CHST11: variants seen among roughly 807,000 people sequenced by gnomAD.
The protein encoded by CHST11 is C4S-1.
CHST11 carries 9 observed loss-of-function variants against 30.4 expected under a neutral mutation model. The observed-to-expected ratio is 0.30, with a 90% confidence interval of 0.18 to 0.52. The LOEUF is 0.52. Ranked by LOEUF, CHST11 falls within the 20% of genes least tolerant of loss-of-function variation. The pLI is 0.97. For missense variants in CHST11, 348 were observed against 460.6 expected, an observed-to-expected ratio of 0.76 and a Z score of 2.24; for synonymous variants, 152 against 187.8, an observed-to-expected ratio of 0.81 and a Z score of 1.56.
intron 1 of CHST11, among the ~76,000 whole-genome samples, chr12:104,581,522 A>G (rs1035708096): frequency 3.9e-5 from 6 of 152,164 alleles, no homozygotes; most frequent in Admixed American, 3.3e-4. Flanking sequence ...GTAGTGGCCA[A>G]ACATTGTCGA....
At chr12:104,578,379 TA>T (rs1378098820) in intron 1 of CHST11, among the ~76,000 whole-genome samples, 1 of 152,276 alleles carries the variant, frequency 6.6e-6, no homozygotes, top group African/African-American at 2.4e-5. Context: ...AAATCATTTA[TA>T]GATTTGGTGA....
At chr12:104,537,693 C>CTTTT (rs3039113) in intron 1 of CHST11, among the ~76,000 whole-genome samples, 2 of 124,462 alleles carry the variant, frequency 1.6e-5, no homozygotes, top group African/African-American at 6.1e-5. Flanking sequence ...TACCTCCCTG[C>CTTTT]TTTTTTTTTT....
intron 1 of CHST11, among the ~76,000 whole-genome samples, chr12:104,508,789 C>G (rs2037933617): frequency 6.6e-6 from 1 of 152,164 alleles, no homozygotes; most frequent in African/African-American, 2.4e-5. Flanking sequence ...GACAGTCTTT[C>G]TTATAGCTGG....
chr12:104,662,237 A>G (rs954784083), intron 2 of CHST11, among the ~76,000 whole-genome samples: 8 of 152,220 alleles, frequency 5.3e-5, no homozygotes, highest in African/African-American at 1.9e-4. Flanking sequence ...GAGTGTCAGC[A>G]CGTCCTCTCA....
At position 104,457,348 on chromosome 12, in the gene CHST11, T is replaced by A; in HGVS notation, c.-64T>A. 1 of 1,199,994 alleles carries A rather than the reference T, an allele frequency of 8.3e-7. No homozygotes were observed. Among genetic ancestry groups the A allele is most frequent in the Non-Finnish European group, 1.2e-6 (1 of 821,028 alleles). The allele number at this position is 1,199,994 out of a possible 1,614,324, so 74.3% of individuals were successfully genotyped here. The stretch of plus-strand genomic sequence containing the variant: ...CCGGGCTCCGGTCCGCGCGGCGGGG[T>A]CCCTGCTCCTGCGCCCCGGGCGCGC... On this transcript the variant is annotated 5_prime_UTR_variant, in exon 1 of 3. Coordinates refer to ENST00000303694, the MANE Select transcript of CHST11 (RefSeq NM_018413.6).
chr12:104,595,057 G>C (rs2038894615), intron 1 of CHST11, among the ~76,000 whole-genome samples: 1 of 152,136 alleles, frequency 6.6e-6, no homozygotes, highest in East Asian at 1.9e-4. Context: ...CTCTGTTAGA[G>C]GTCAGATTCT....
intron 2 of CHST11, among the ~76,000 whole-genome samples, chr12:104,604,326 G>A (rs2038983382): frequency 6.6e-6 from 1 of 152,174 alleles, no homozygotes; most frequent in South Asian, 2.1e-4. Context: ...CTCCCTCAAG[G>A]ACGTCTTGGG....
chr12:104,750,429 T>C (rs1469036718), intron 2 of CHST11, among the ~76,000 whole-genome samples: 18 of 51,586 alleles, frequency 3.5e-4, no homozygotes, highest in African/African-American at 2.1e-3. Flanking sequence ...ATTTCTGCAC[T>C]TTTTTTTTTT....
intron 1 of CHST11, among the ~76,000 whole-genome samples, chr12:104,477,636 G>A (rs1022635251): frequency 1.3e-5 from 2 of 152,076 alleles, no homozygotes; most frequent in Non-Finnish European, 2.9e-5. Flanking sequence ...TGCCATGGGA[G>A]GACACAGTGA....
intron 2 of CHST11, among the ~76,000 whole-genome samples, chr12:104,713,983 G>A (rs999984710): frequency 1.3e-5 from 2 of 152,170 alleles, no homozygotes; most frequent in East Asian, 3.8e-4. Flanking sequence ...AGCTTGAGCA[G>A]CCTCCCTGCC....
intron 1 of CHST11, among the ~76,000 whole-genome samples, chr12:104,457,785 G>GTTTTTTTTTTTTTTT (rs35612022): frequency 7.3e-6 from 1 of 137,682 alleles, no homozygotes; most frequent in Non-Finnish European, 1.6e-5. Flanking sequence ...AGGGGCGGTA[G>GTTTTTTTTTTTTTTT]TTTTTTTTTT....
rs1392919057 is a variant in CHST11 at position 104,734,516 on chromosome 12, C to G, written c.205-22433C>G. 4.6e-5 allele frequency among the ~76,000 whole-genome samples: 7 copies of G among 152,296 alleles called. No homozygotes were observed. The East Asian group carries it at 7.7e-4, about 17-fold the overall frequency. ...CAGGGCTGGACCTTAAGATCCGGAC[C>G]CAAATGCCTGCTGTTTCTCCCGCCC... is the stretch of plus-strand genomic sequence containing the variant. On this transcript the variant is annotated intron_variant, in intron 2 of 2. Coordinates refer to ENST00000303694, the MANE Select transcript of CHST11 (RefSeq NM_018413.6).
chr12:104,504,332 C>T (rs1262262703), intron 1 of CHST11, among the ~76,000 whole-genome samples: 1 of 152,248 alleles, frequency 6.6e-6, no homozygotes, highest in Non-Finnish European at 1.5e-5. Flanking sequence ...ACTGGCTTCT[C>T]ACCGGGGTGG....
chr12:104,687,615 G>A (rs544105887), intron 2 of CHST11, among the ~76,000 whole-genome samples: 1 of 152,254 alleles, frequency 6.6e-6, no homozygotes, highest in South Asian at 2.1e-4. Context: ...CAGTGAGGAG[G>A]TACTTCCCAA....
intron 1 of CHST11, among the ~76,000 whole-genome samples, chr12:104,569,909 C>T (rs940727283): frequency 2.6e-5 from 4 of 152,108 alleles, no homozygotes; most frequent in East Asian, 3.9e-4. Flanking sequence ...GGACGGGTTG[C>T]GAAAGGAACT....
intron 2 of CHST11, among the ~76,000 whole-genome samples, chr12:104,719,454 GTC>G: frequency 6.6e-6 from 1 of 152,310 alleles, no homozygotes; most frequent in East Asian, 1.9e-4. Context: ...ACTTCACTCT[GTC>G]TCTCTCGTGC....
intron 1 of CHST11, among the ~76,000 whole-genome samples, chr12:104,491,294 G>A (rs1056058036): frequency 2.0e-5 from 3 of 152,132 alleles, no homozygotes; most frequent in Non-Finnish European, 4.4e-5. Context: ...TTCTGAGAGT[G>A]ACCGGGGGTG....
chr12:104,459,130 G>T (rs774296542), intron 1 of CHST11, among the ~76,000 whole-genome samples: 2 of 152,188 alleles, frequency 1.3e-5, no homozygotes, highest in African/African-American at 2.4e-5. Context: ...TTTAATGTCA[G>T]CAAACTACAG....
At chr12:104,502,171 G>T (rs899558446) in intron 1 of CHST11, among the ~76,000 whole-genome samples, 5 of 152,096 alleles carry the variant, frequency 3.3e-5, no homozygotes, top group Admixed American at 3.3e-4. Flanking sequence ...GGGGCTACAG[G>T]CCTGCACCAC....
Sources: allele counts gnomAD v4.1 joint callset (sites outside exome capture counted in the v4.1 genomes callset), GRCh38; gene constraint gnomAD v4.1.1; transcripts MANE v1.5; gene names NCBI Gene and HGNC (gene_info 2026-07-23, HGNC 2026-07-21).